FRMPD2: variants seen among roughly 807,000 people sequenced by gnomAD.
The protein encoded by FRMPD2 is FERM and PDZ domain containing 2.
A neutral mutation model predicts 140.1 loss-of-function variants in FRMPD2; 96 were observed. The observed-to-expected ratio is 0.69, with a 90% CI of 0.58 to 0.81. The LOEUF (loss-of-function observed/expected upper bound fraction) is 0.81. Ranked by LOEUF, FRMPD2 falls within the 40% of genes least tolerant of loss-of-function variation. The pLI, the probability that FRMPD2 is intolerant of heterozygous loss-of-function variation, is 0.00. For synonymous variants in FRMPD2, 449 were observed against 547.6 expected, an observed-to-expected ratio of 0.82 and a Z score of 2.52; for missense variants, 1,240 against 1,447.4, an observed-to-expected ratio of 0.86 and a Z score of 2.32.
intron 15 of FRMPD2, among the ~76,000 whole-genome samples, chr10:48,195,603 A>G (rs1431032563): frequency 2.0e-5 from 3 of 152,220 alleles, no homozygotes; most frequent in Non-Finnish European, 4.4e-5. Flanking sequence ...AATGCCCAGC[A>G]CTGGTACCCA....
At chr10:48,186,585 G>T (rs956650514) in intron 17 of FRMPD2, among the ~76,000 whole-genome samples, 6 of 152,118 alleles carry the variant, frequency 3.9e-5, no homozygotes, top group Non-Finnish European at 7.4e-5. Context: ...TGTAAGAAGT[G>T]CCTTTCACCT....
intron 4 of FRMPD2, among the ~76,000 whole-genome samples, chr10:48,243,335 G>A (rs929970690): frequency 6.6e-6 from 1 of 152,240 alleles, no homozygotes; most frequent in Non-Finnish European, 1.5e-5. Context: ...AGAGGAAAGT[G>A]GGGAGTGAGG....
chr10:48,252,352 A>G (rs577166270), intron 1 of FRMPD2, among the ~76,000 whole-genome samples: 1 of 152,264 alleles, frequency 6.6e-6, no homozygotes, highest in African/African-American at 2.4e-5. Context: ...TTAAATGTCT[A>G]TCTCCCTGAC....
At chr10:48,175,063 G>A in intron 23 of FRMPD2, 108 bp from the exon 24 acceptor site, 1 of 561,600 alleles carries the variant, frequency 1.8e-6, no homozygotes, top group Non-Finnish European at 2.9e-6. Flanking sequence ...GGAGAAGTGG[G>A]AAAGGAAGCT....
Position 48,222,386 on chromosome 10 carries a change from T to TA in FRMPD2, c.1381dup (p.Tyr461LeufsTer4), listed in dbSNP as rs761685290. On this transcript the variant is annotated frameshift_variant, in exon 12 of 29. Transcript: ENST00000374201. LOFTEE classifies it high-confidence loss of function. The stretch of plus-strand genomic sequence containing the variant: ...CTGCAGCAGTATCTCTTCATTGCAG[T>TA]ACAGCCTCTCCTCCAGGATATCTTT... 22 of 1,614,050 alleles carry TA rather than the reference T, an allele frequency of 1.4e-5. No homozygotes were observed. In the East Asian group the frequency reaches 4.9e-4, roughly 36 times the overall value.
At chr10:48,220,243 T>G (rs1439690148) in intron 12 of FRMPD2, among the ~76,000 whole-genome samples, 2 of 152,178 alleles carry the variant, frequency 1.3e-5, no homozygotes, top group Non-Finnish European at 2.9e-5. Flanking sequence ...AATAGGCATA[T>G]AGACCAATGG....
intron 16 of FRMPD2, 52 bp from the exon 17 acceptor site, chr10:48,187,344 G>C: frequency 1.3e-6 from 2 of 1,536,414 alleles, no homozygotes; most frequent in Non-Finnish European, 1.8e-6. Context: ...GGGAAGGACA[G>C]TGAGGTTAGA....
chr10:48,188,446 C>T (rs992341010), intron 16 of FRMPD2, among the ~76,000 whole-genome samples: 5 of 152,224 alleles, frequency 3.3e-5, no homozygotes. Flanking sequence ...CATGTTTGTG[C>T]TTGCCTTGCA....
chr10:48,258,806 T>G (rs1424811143), intron 1 of FRMPD2, among the ~76,000 whole-genome samples: 1 of 152,248 alleles, frequency 6.6e-6, no homozygotes, highest in Non-Finnish European at 1.5e-5. Flanking sequence ...TTTAAAAGGA[T>G]ACTACATATC....
chr10:48,220,408 C>T (rs1253247561), intron 12 of FRMPD2, among the ~76,000 whole-genome samples: 1 of 152,124 alleles, frequency 6.6e-6, no homozygotes, highest in Non-Finnish European at 1.5e-5. Flanking sequence ...AAACTGGATC[C>T]TCATCTCTCA....
chr10:48,211,394 C>T (rs1241642292), intron 13 of FRMPD2, among the ~76,000 whole-genome samples: 1 of 152,220 alleles, frequency 6.6e-6, no homozygotes, highest in Non-Finnish European at 1.5e-5. Flanking sequence ...GATGGCTTTT[C>T]TCTGGCTCAA....
intron 10 of FRMPD2, among the ~76,000 whole-genome samples, chr10:48,225,699 G>A (rs2131911159): frequency 6.6e-6 from 1 of 152,212 alleles, no homozygotes. Context: ...TTTTAGGTTG[G>A]CAAAACCTGG....
In FRMPD2 at chr10:48,200,190, AAATAAAT is replaced by A. The variant is rs1409148610; in HGVS notation, c.1954+1031_1954+1037del. Among the ~76,000 whole-genome samples the A allele has an allele frequency of 9.1e-5, 13 of 142,842 alleles. 1 individual carries two copies. The highest frequency in any genetic ancestry group is 2.1e-4 in the African/African-American group (8 of 37,730). 93.7% of individuals were successfully genotyped at this position (142,842 alleles called of 152,430 possible). ...TAAATAAATAAATAAATAAATAAAT[AAATAAAT>A]AAAACAGAGCCAAGCAACCATTTGC... On this transcript the variant is annotated intron_variant, in intron 15 of 28. Transcript: ENST00000374201.
At chr10:48,238,407 C>T (rs1186967825) in intron 7 of FRMPD2, among the ~76,000 whole-genome samples, 1 of 152,104 alleles carries the variant, frequency 6.6e-6, no homozygotes, top group Non-Finnish European at 1.5e-5. Context: ...TGCCAGGACC[C>T]CAGGTCTAGA....
At chr10:48,244,248 G>A (rs1409680228) in intron 4 of FRMPD2, among the ~76,000 whole-genome samples, 2 of 152,204 alleles carry the variant, frequency 1.3e-5, no homozygotes, top group Admixed American at 6.5e-5. Context: ...GCCTCCCAAA[G>A]TGCTGGGACT....
chr10:48,257,063 T>C (rs1840503225), intron 1 of FRMPD2, among the ~76,000 whole-genome samples: 1 of 152,092 alleles, frequency 6.6e-6, no homozygotes, highest in Non-Finnish European at 1.5e-5. Flanking sequence ...CGGAGAATCC[T>C]TCCCAGGCCT....
intron 13 of FRMPD2, among the ~76,000 whole-genome samples, chr10:48,209,687 C>T (rs564123306): frequency 8.5e-5 from 13 of 152,324 alleles, no homozygotes; most frequent in Admixed American, 2.0e-4. Context: ...GACGGCTGCA[C>T]GAGGTGTCTT....
intron 10 of FRMPD2, among the ~76,000 whole-genome samples, chr10:48,227,785 T>A (rs1033857125): frequency 3.9e-5 from 6 of 152,244 alleles, no homozygotes; most frequent in Non-Finnish European, 7.3e-5. Flanking sequence ...ATAAATTAAC[T>A]GTTTTCTCAG....
intron 15 of FRMPD2, among the ~76,000 whole-genome samples, chr10:48,195,789 C>T (rs1479134526): frequency 1.3e-5 from 2 of 152,202 alleles, no homozygotes; most frequent in East Asian, 3.8e-4. Flanking sequence ...TCCATTCGTT[C>T]ATCAAAAAAC....
Sources: gnomAD v4.1 joint callset for allele counts (sites outside exome capture counted in the v4.1 genomes callset) on GRCh38, gnomAD v4.1.1 for gene constraint, MANE v1.5 for transcripts, NCBI Gene and HGNC (gene_info 2026-07-23, HGNC 2026-07-21) for gene names.